Variants in ITSN2 observed in about 807,000 individuals in gnomAD.
The protein encoded by ITSN2 is intersectin-2.
Under a neutral mutation model 243.7 loss-of-function variants are expected in ITSN2, and 156 were observed. That is an observed-to-expected ratio of 0.64 (90% CI 0.56 to 0.73). ITSN2 has a LOEUF of 0.73. Among genes scored for constraint, ITSN2 ranks in the 30% least tolerant of loss-of-function variants. The pLI, the probability that ITSN2 is intolerant of heterozygous loss-of-function variation, is 0.00. For missense variants in ITSN2, 1,801 were observed against 1,996.1 expected (o/e 0.90, Z 1.86); for synonymous variants, 703 against 699.9 (o/e 1.00, Z -0.07).
chr2:24,270,825 A>C, intron 19 of ITSN2, 57 bp from the exon 20 acceptor site: 1 of 918,032 alleles, frequency 1.1e-6, no homozygotes. Context: ...CTTTGCTATG[A>C]CTCAATAAAG....
chr2:24,270,985 A>G (rs955981069), intron 19 of ITSN2, among the ~76,000 whole-genome samples: 4 of 152,214 alleles, frequency 2.6e-5, no homozygotes, highest in African/African-American at 9.6e-5. Context: ...GGAGGCAGCA[A>G]AACAAAGAGA....
chr2:24,259,843 C>A (rs1405484707), intron 22 of ITSN2, among the ~76,000 whole-genome samples: 1 of 152,132 alleles, frequency 6.6e-6, no homozygotes, highest in East Asian at 1.9e-4. Flanking sequence ...ATCTTTAATA[C>A]AGCATTTCTC....
chr2:24,212,746 C>T lies in ITSN2; in HGVS notation c.3993G>A (p.Lys1331=), dbSNP rs1457182913. The part of the protein sequence containing the change: ...EDTDFKEFLK[K]LASDPRCKGM... ...CTTTACACCGCGGGTCAGATGCCAG[C>T]TTCTGCAAAACAACAGTGAGGCTCG... Residue 1331 remains lysine (K), a splice_region_variant and synonymous_variant, in exon 33 of 40, where the codon AAG becomes AAA. Transcript: ENST00000355123. The T allele has an allele frequency of 2.5e-6, 4 of 1,613,964 alleles. No individual in the cohort carries two copies. Among genetic ancestry groups the T allele is most frequent in the Non-Finnish European group, 3.4e-6 (4 of 1,179,818 alleles).
At chr2:24,230,796 T>TA (rs1393497514) in intron 29 of ITSN2, among the ~76,000 whole-genome samples, 1 of 151,992 alleles carries the variant, frequency 6.6e-6, no homozygotes, top group Non-Finnish European at 1.5e-5. Context: ...ATAAAAATAA[T>TA]AAAAACCCTC....
chr2:24,277,424 T>C (rs981512246), intron 17 of ITSN2, among the ~76,000 whole-genome samples: 3 of 152,250 alleles, frequency 2.0e-5, no homozygotes, highest in Non-Finnish European at 2.9e-5. Flanking sequence ...CCAGAGACTA[T>C]GTCCAACATG....
At chr2:24,269,619 C>T (rs1163634843) in intron 20 of ITSN2, among the ~76,000 whole-genome samples, 2 of 152,178 alleles carry the variant, frequency 1.3e-5, no homozygotes, top group East Asian at 1.9e-4. Context: ...ACCTTCCTTC[C>T]TCTACTGCTT....
At position 24,210,807 on chromosome 2, in the gene ITSN2, C is replaced by T. The variant is rs761387506; in HGVS notation, c.4230G>A (p.Ala1410=). The part of the protein sequence containing the change: ...ENSDRLEWIQ[A]HVQCEGLAEQ... ...CCGCGAGGCCTTCACACTGCACGTG[C>T]GCCTGGATCCACTCCAGTCGGTCCG... Residue 1410 remains alanine, a synonymous_variant, in exon 34 of 40, where the codon GCG becomes GCA. Coordinates refer to ENST00000355123, the MANE Select transcript of ITSN2 (RefSeq NM_006277.3). 1.5e-5 allele frequency: 24 copies of T among 1,613,852 alleles called. No individual in the cohort carries two copies. The highest frequency in any genetic ancestry group is 6.7e-5 in the African/African-American group (5 of 74,894).
At chr2:24,345,864 T>G (rs1687476559) in intron 1 of ITSN2, among the ~76,000 whole-genome samples, 1 of 152,212 alleles carries the variant, frequency 6.6e-6, no homozygotes, top group African/African-American at 2.4e-5. Context: ...GACTAGTGAG[T>G]GTCTTGTCAT....
intron 5 of ITSN2, among the ~76,000 whole-genome samples, chr2:24,312,001 A>G (rs949736128): frequency 7.2e-5 from 11 of 152,166 alleles, no homozygotes; most frequent in Non-Finnish European, 1.5e-4. Context: ...CCAGGACAAA[A>G]GGCATAAATC....
At chr2:24,309,294 G>A (rs1682953003) in intron 7 of ITSN2, among the ~76,000 whole-genome samples, 1 of 152,212 alleles carries the variant, frequency 6.6e-6, no homozygotes, top group South Asian at 2.1e-4. Flanking sequence ...CCGGGTTCAA[G>A]CAATTCTCCT....
chr2:24,323,817 AC>A (rs1188468586), intron 2 of ITSN2, among the ~76,000 whole-genome samples: 1 of 152,224 alleles, frequency 6.6e-6, no homozygotes, highest in African/African-American at 2.4e-5. Context: ...ATCCCAGGGA[AC>A]AATATAATTA....
chr2:24,347,339 T>A (rs951292222), intron 1 of ITSN2, among the ~76,000 whole-genome samples: 1 of 152,016 alleles, frequency 6.6e-6, no homozygotes, highest in Non-Finnish European at 1.5e-5. Flanking sequence ...AAATGACAAT[T>A]TCAAGGCTAT....
In ITSN2 at chr2:24,293,793, T is replaced by C. The variant is rs752322738; in HGVS notation, c.1636-18A>G. The stretch of plus-strand genomic sequence containing the variant: ...TGATATTCCTTATAAAAAGAAAAAA[T>C]AGTACCTGATTACAATGTTATAATA... On this transcript the variant is annotated intron_variant, in intron 14 of 39. Coordinates refer to ENST00000355123, the MANE Select transcript of ITSN2 (RefSeq NM_006277.3). 1.3e-5 allele frequency: 9 copies of C among 718,910 alleles called. No individual in the cohort carries two copies. The highest frequency in any genetic ancestry group is 1.9e-5 in the African/African-American group (1 of 53,528). 44.5% of individuals were successfully genotyped at this position (718,910 alleles called of 1,614,324 possible). A position where few individuals can be genotyped will look rare whatever the true frequency, so the allele number is the denominator to read the frequency against.
chr2:24,338,232 C>T (rs1686672177), intron 1 of ITSN2, among the ~76,000 whole-genome samples: 1 of 152,234 alleles, frequency 6.6e-6, no homozygotes, highest in African/African-American at 2.4e-5. Flanking sequence ...CCAGTCTTTT[C>T]CTTTCTATTG....
At chr2:24,287,391 ACTCTTCTACT>A (rs1679645792) in intron 15 of ITSN2, among the ~76,000 whole-genome samples, 1 of 151,694 alleles carries the variant, frequency 6.6e-6, no homozygotes, top group Admixed American at 6.6e-5. Flanking sequence ...CCTGGTAACC[ACTCTTCTACT>A]CTCAGTTTCT....
Position 24,248,868 on chromosome 2 carries a change from AGC to A in ITSN2, c.3133_3134del (p.Ala1045Ter). 1 of 1,613,714 alleles carries A rather than the reference AGC, an allele frequency of 6.2e-7. No individual in the cohort carries two copies. Among genetic ancestry groups the A allele is most frequent in the Non-Finnish European group, 8.5e-7 (1 of 1,179,680 alleles). ...KPKDQESFGS[A>X]SKSGASNKKP... ...TTTTATTTGATGCTCCAGACTTGCT[AGC>A]ACTCCCAAAACTCTACAAGGAAAAG... is the stretch of plus-strand genomic sequence containing the variant. On this transcript the variant is annotated frameshift_variant, in exon 26 of 40. Coordinates refer to ENST00000355123, the MANE Select transcript of ITSN2 (RefSeq NM_006277.3). LOFTEE classifies it high-confidence loss of function.
At chr2:24,315,703 T>C (rs1282273014) in intron 2 of ITSN2, among the ~76,000 whole-genome samples, 2 of 152,112 alleles carry the variant, frequency 1.3e-5, no homozygotes, top group African/African-American at 4.8e-5. Flanking sequence ...CTTGTTGTTT[T>C]TGTGATAATG....
chr2:24,283,229 T>C (rs1224022366), intron 17 of ITSN2, among the ~76,000 whole-genome samples: 1 of 151,956 alleles, frequency 6.6e-6, no homozygotes. Flanking sequence ...TTTTTCTTTT[T>C]CTTTTTTTTT....
chr2:24,221,623 C>G (rs904330265), intron 29 of ITSN2: 3 of 152,294 alleles, frequency 2.0e-5, no homozygotes, highest in African/African-American at 4.8e-5. Flanking sequence ...GAAACAGTCT[C>G]TAGATTTCTT....
Sources: gnomAD v4.1 joint callset for allele counts (sites outside exome capture counted in the v4.1 genomes callset) on GRCh38, gnomAD v4.1.1 for gene constraint, MANE v1.5 for transcripts, NCBI Gene and HGNC (gene_info 2026-07-23, HGNC 2026-07-21) for gene names.